The following L3MBTL3 variants were observed in gnomAD, a reference collection of about 807,000 sequenced individuals.
L3MBTL3 encodes lethal(3)malignant brain tumor-like protein 3.
A neutral mutation model predicts 102.3 loss-of-function variants in L3MBTL3; 27 were observed. The observed-to-expected ratio is 0.26, with a 90% CI of 0.19 to 0.36. The LOEUF is 0.36. L3MBTL3 is among the 10% of genes least tolerant of loss of function. L3MBTL3 has a pLI of 1.00. For synonymous variants in L3MBTL3, 340 were observed against 320.9 expected (o/e 1.06, Z -0.64); for missense variants, 798 against 955.3 (o/e 0.84, Z 2.17).
intron 14 of L3MBTL3, among the ~76,000 whole-genome samples, chr6:130,079,204 T>A (rs1270260751): frequency 2.0e-5 from 3 of 152,158 alleles, no homozygotes; most frequent in Non-Finnish European, 4.4e-5. Context: ...GCTTTAGATT[T>A]TTTTACTTAG....
chr6:130,019,907 G>C (rs1487429960), intron 1 of L3MBTL3, among the ~76,000 whole-genome samples: 4 of 142,494 alleles, frequency 2.8e-5, no homozygotes, highest in Non-Finnish European at 4.7e-5. Flanking sequence ...GCGCCGTCGC[G>C]GCGTTCGCCC....
rs889688899 is a variant in L3MBTL3, at chr6:130,139,475, T to G, written c.2200-135T>G. On this transcript the variant is annotated intron_variant, in intron 22 of 22. Transcript: ENST00000361794. ...AGAAAGGTCCATATATCAAGAAATG[T>G]CATTGCACACGTGAACTTCTCTGTG... is the stretch of plus-strand genomic sequence containing the variant. The G allele has an allele frequency of 9.4e-6, 7 of 746,520 alleles. No individual in the cohort carries two copies. In the African/African-American group the frequency reaches 1.1e-4, roughly 11 times the overall value. 46.2% of individuals were successfully genotyped at this position (746,520 alleles called of 1,614,324 possible).
intron 20 of L3MBTL3, among the ~76,000 whole-genome samples, chr6:130,122,865 A>G (rs1196369626): frequency 6.6e-6 from 1 of 152,174 alleles, no homozygotes; most frequent in Non-Finnish European, 1.5e-5. Context: ...TGGATGTAGT[A>G]ATGGTATCTA....
intron 2 of L3MBTL3, among the ~76,000 whole-genome samples, chr6:130,026,716 G>A (rs1450306893): frequency 6.6e-6 from 1 of 151,950 alleles, no homozygotes; most frequent in African/African-American, 2.4e-5. Flanking sequence ...GAATAGGCTT[G>A]GGAATCACTG....
chr6:130,129,254 AT>A (rs1208335390), intron 20 of L3MBTL3, among the ~76,000 whole-genome samples: 1 of 152,264 alleles, frequency 6.6e-6, no homozygotes, highest in East Asian at 1.9e-4. Flanking sequence ...TCTCATACAT[AT>A]GTATAGGCCT....
intron 14 of L3MBTL3, among the ~76,000 whole-genome samples, chr6:130,080,791 A>C (rs1390436899): frequency 6.6e-6 from 1 of 152,266 alleles, no homozygotes; most frequent in Non-Finnish European, 1.5e-5. Flanking sequence ...TATGTTATGT[A>C]TATTTTGCCA....
chr6:130,026,383 A>C (rs988493511), intron 2 of L3MBTL3, among the ~76,000 whole-genome samples: 6 of 152,086 alleles, frequency 3.9e-5, no homozygotes, highest in Non-Finnish European at 8.8e-5. Context: ...AAAGGGGTGG[A>C]ATCAGGGAAA....
At chr6:130,055,554 CTCTCCCTCCCTT>C (rs1267662317) in intron 8 of L3MBTL3, among the ~76,000 whole-genome samples, 2 of 128,022 alleles carry the variant, frequency 1.6e-5, no homozygotes, top group African/African-American at 5.9e-5. Context: ...CTGTCTCCCT[CTCTCCCTCCCTT>C]TCTCCCTCCC....
chr6:130,089,526 T>C (rs1399198081), intron 16 of L3MBTL3, among the ~76,000 whole-genome samples: 1 of 152,204 alleles, frequency 6.6e-6, no homozygotes, highest in African/African-American at 2.4e-5. Flanking sequence ...GCAATAAACA[T>C]ACATGTGCAT....
chr6:130,127,531 C>A (rs1436650675), intron 20 of L3MBTL3, among the ~76,000 whole-genome samples: 1 of 152,168 alleles, frequency 6.6e-6, no homozygotes, highest in East Asian at 1.9e-4. Flanking sequence ...TAAATAATTG[C>A]TGAATGAAGA....
chr6:130,127,998 T>G (rs1786727626), intron 20 of L3MBTL3, among the ~76,000 whole-genome samples: 3 of 152,190 alleles, frequency 2.0e-5, no homozygotes, highest in African/African-American at 7.2e-5. Context: ...CTATCTGAAG[T>G]GTACAAAATA....
intron 10 of L3MBTL3, among the ~76,000 whole-genome samples, chr6:130,064,754 T>C (rs2114946451): frequency 6.6e-6 from 1 of 152,248 alleles, no homozygotes; most frequent in South Asian, 2.1e-4. Context: ...TAGGTATGAC[T>C]GTGGGCAAGG....
intron 20 of L3MBTL3, among the ~76,000 whole-genome samples, chr6:130,122,944 G>A (rs1202537052): frequency 2.0e-5 from 3 of 152,188 alleles, no homozygotes; most frequent in Non-Finnish European, 4.4e-5. Flanking sequence ...AATAGTAGTA[G>A]TATTGTGGAA....
chr6:130,105,630 A>AAAC (rs1166077393), intron 19 of L3MBTL3, among the ~76,000 whole-genome samples: 5 of 151,760 alleles, frequency 3.3e-5, no homozygotes, highest in Non-Finnish European at 7.4e-5. Flanking sequence ...TCAAAAAAAA[A>AAAC]AAAAAAAAAT....
At chr6:130,101,684 C>A (rs569595480) in intron 18 of L3MBTL3, among the ~76,000 whole-genome samples, 2 of 152,288 alleles carry the variant, frequency 1.3e-5, no homozygotes, top group African/African-American at 2.4e-5. Flanking sequence ...CTGTGCAGAT[C>A]GTTTTGAGGG....
At position 130,139,930 on chromosome 6, in the gene L3MBTL3, G is replaced by A. The variant is rs575516227; in HGVS notation, c.*177G>A. 2.7e-4 allele frequency: 138 copies of A among 518,268 alleles called. No homozygotes were observed. Among genetic ancestry groups the A allele is most frequent in the African/African-American group, 2.6e-3 (127 of 49,440 alleles). The allele number at this position is 518,268 out of a possible 1,614,324, so 32.1% of individuals were successfully genotyped here. A position where few individuals can be genotyped will look rare whatever the true frequency, so the allele number is the denominator to read the frequency against. On this transcript the variant is annotated 3_prime_UTR_variant, in exon 23 of 23. Coordinates refer to ENST00000361794, the MANE Select transcript of L3MBTL3 (RefSeq NM_032438.4). ...TATGAATTCTTATGAAAGTGCTTGA[G>A]CTTTTAACCAGGTACTGTCTAACAA...
chr6:130,117,863 CTTTTTTTTTTT>C (rs56787867), intron 19 of L3MBTL3, among the ~76,000 whole-genome samples: 5 of 53,014 alleles, frequency 9.4e-5, no homozygotes, highest in African/African-American at 3.9e-4. Flanking sequence ...GCACGCCTGA[CTTTTTTTTTTT>C]TTTTTTTTTT....
intron 2 of L3MBTL3, among the ~76,000 whole-genome samples, chr6:130,040,349 AT>A (rs1430457657): frequency 6.6e-6 from 1 of 151,600 alleles, no homozygotes; most frequent in Non-Finnish European, 1.5e-5. Context: ...AAAAAAAAAA[AT>A]CTGTTGGTCC....
intron 20 of L3MBTL3, among the ~76,000 whole-genome samples, chr6:130,123,842 C>T (rs929853450): frequency 1.3e-5 from 2 of 152,138 alleles, no homozygotes; most frequent in East Asian, 1.9e-4. Context: ...TATCTGAAGA[C>T]GTTTCTCAGT....
Sources: gnomAD v4.1 joint callset for allele counts (sites outside exome capture counted in the v4.1 genomes callset) on GRCh38, gnomAD v4.1.1 for gene constraint, MANE v1.5 for transcripts, NCBI Gene and HGNC (gene_info 2026-07-23, HGNC 2026-07-21) for gene names.